The following PTPRG variants were observed in gnomAD, a reference collection of about 807,000 sequenced individuals.
PTPRG encodes the protein receptor-type tyrosine-protein phosphatase gamma.
PTPRG carries 102 observed loss-of-function variants against 165.3 expected under a neutral mutation model. That is an observed-to-expected ratio of 0.62 (90% CI 0.53 to 0.73). The LOEUF is 0.73. PTPRG is among the 30% of genes least tolerant of loss of function. The pLI is 0.00. For synonymous variants in PTPRG, 675 were observed against 669.5 expected, an observed-to-expected ratio of 1.01 and a Z score of -0.13; for missense variants, 1,866 against 1,861.4, an observed-to-expected ratio of 1.00 and a Z score of -0.05.
chr3:61,582,053 C>T (rs1197417147), intron 1 of PTPRG, among the ~76,000 whole-genome samples: 2 of 152,032 alleles, frequency 1.3e-5, no homozygotes, highest in Non-Finnish European at 2.9e-5. Flanking sequence ...TTGCAACCTC[C>T]CCCTACTGGG....
intron 2 of PTPRG, among the ~76,000 whole-genome samples, chr3:61,836,967 A>G (rs1043816458): frequency 2.0e-5 from 3 of 151,940 alleles, no homozygotes; most frequent in South Asian, 2.1e-4. Context: ...CTGGAGTGCA[A>G]TGGCACAATC....
At chr3:62,185,491 A>C (rs1478881853) in intron 8 of PTPRG, among the ~76,000 whole-genome samples, 1 of 152,142 alleles carries the variant, frequency 6.6e-6, no homozygotes, top group Non-Finnish European at 1.5e-5. Context: ...CCTGGTGTTC[A>C]TTTTAGACCA....
intron 28 of PTPRG, among the ~76,000 whole-genome samples, chr3:62,285,781 T>C (rs190853305): frequency 1.2e-3 from 177 of 152,250 alleles, no homozygotes; most frequent in Non-Finnish European, 2.0e-3. Flanking sequence ...ATGGTTCTCA[T>C]ATAGTCTTAT....
At chr3:61,612,479 C>T (rs1206039484) in intron 1 of PTPRG, among the ~76,000 whole-genome samples, 1 of 152,158 alleles carries the variant, frequency 6.6e-6, no homozygotes, top group Non-Finnish European at 1.5e-5. Flanking sequence ...CTGCATGTGG[C>T]CTGTTTCCAG....
intron 1 of PTPRG, among the ~76,000 whole-genome samples, chr3:61,736,205 G>A (rs2032716817): frequency 6.9e-6 from 1 of 145,728 alleles, no homozygotes; most frequent in Non-Finnish European, 1.5e-5. Flanking sequence ...ACCGCACCCG[G>A]CCATTTTTTT....
intron 4 of PTPRG, among the ~76,000 whole-genome samples, chr3:62,028,663 A>G (rs1220626058): frequency 6.6e-6 from 1 of 152,230 alleles, no homozygotes; most frequent in Non-Finnish European, 1.5e-5. Context: ...GTTGCACATA[A>G]CAGAAACACA....
At chr3:62,007,274 A>G (rs146680945) in intron 4 of PTPRG, among the ~76,000 whole-genome samples, 54 of 152,368 alleles carry the variant, frequency 3.5e-4, no homozygotes, top group Middle Eastern at 3.4e-3. Flanking sequence ...TCCAGAAATT[A>G]AAGCTCTCTG....
At chr3:61,620,452 G>T (rs1251841057) in intron 1 of PTPRG, among the ~76,000 whole-genome samples, 1 of 152,068 alleles carries the variant, frequency 6.6e-6, no homozygotes, top group Non-Finnish European at 1.5e-5. Context: ...TGGCCTCACA[G>T]ATTTGTAATG....
At chr3:61,792,043 A>G (rs1423545342) in intron 2 of PTPRG, among the ~76,000 whole-genome samples, 2 of 152,072 alleles carry the variant, frequency 1.3e-5, no homozygotes, top group Non-Finnish European at 2.9e-5. Context: ...CACTTGTTAG[A>G]GCTCCCCTTT....
At chr3:61,694,180 T>C (rs2106672554) in intron 1 of PTPRG, among the ~76,000 whole-genome samples, 1 of 152,158 alleles carries the variant, frequency 6.6e-6, no homozygotes, top group Admixed American at 6.5e-5. Flanking sequence ...TGCTAAGACG[T>C]GGGTGCAAAA....
chr3:62,070,127 A>G, intron 4 of PTPRG, among the ~76,000 whole-genome samples: 1 of 152,246 alleles, frequency 6.6e-6, no homozygotes, highest in East Asian at 1.9e-4. Flanking sequence ...AATTTAAATG[A>G]ATAGATCTTC....
chr3:62,268,268 A>T (rs1158738624), intron 19 of PTPRG, among the ~76,000 whole-genome samples: 2 of 152,080 alleles, frequency 1.3e-5, no homozygotes. Flanking sequence ...AAAATTGCCT[A>T]AACAGTTTAA....
At chr3:62,090,935 T>C (rs1263746073) in intron 5 of PTPRG, among the ~76,000 whole-genome samples, 2 of 152,176 alleles carry the variant, frequency 1.3e-5, no homozygotes, top group African/African-American at 4.8e-5. Context: ...GCCACTTCAA[T>C]CCCTTTGTCC....
intron 2 of PTPRG, among the ~76,000 whole-genome samples, chr3:61,760,387 A>G (rs1321052904): frequency 6.6e-6 from 1 of 152,076 alleles, no homozygotes; most frequent in Non-Finnish European, 1.5e-5. Context: ...CTGCCCTGGA[A>G]ACTCCTTCTC....
intron 2 of PTPRG, among the ~76,000 whole-genome samples, chr3:61,883,870 C>T (rs895019924): frequency 6.6e-6 from 1 of 152,080 alleles, no homozygotes; most frequent in Non-Finnish European, 1.5e-5. Context: ...TACCAGCATA[C>T]CTAGCTAATT....
At chr3:61,742,372 T>C in intron 1 of PTPRG, 2 of 1,004,866 alleles carry the variant, frequency 2.0e-6, no homozygotes, top group East Asian at 2.6e-5. Flanking sequence ...AGGACATTTT[T>C]ATAGGAAGAA....
At chr3:61,944,520 C>T (rs986762891) in intron 2 of PTPRG, among the ~76,000 whole-genome samples, 1 of 152,116 alleles carries the variant, frequency 6.6e-6, no homozygotes, top group Admixed American at 6.5e-5. Context: ...AAGTCCCTCT[C>T]AGTTTGAAGA....
rs113573192 is a variant in PTPRG at position 62,197,607 on chromosome 3, C to A, written c.1327+2437C>A. On this transcript the variant is annotated intron_variant, in intron 10 of 29. Coordinates refer to ENST00000474889, the MANE Select transcript of PTPRG (RefSeq NM_002841.4). ...CTAGGGGAGAAGGAAGGAAGGCAGA[C>A]TGGGAGCTTGCTGAGGCCGGGGCCC... Among the ~76,000 whole-genome samples, 146 of 152,284 alleles carry A rather than the reference C, an allele frequency of 9.6e-4. 4 individuals are homozygous for A. The highest frequency in any genetic ancestry group is 3.3e-3 in the African/African-American group (136 of 41,566).
intron 1 of PTPRG, among the ~76,000 whole-genome samples, chr3:61,645,598 G>A (rs979184210): frequency 2.6e-5 from 4 of 152,190 alleles, no homozygotes; most frequent in Admixed American, 6.5e-5. Flanking sequence ...TTGCCTTAAC[G>A]GGGCTAGTTC....
Sources: gnomAD v4.1 joint callset for allele counts (sites outside exome capture counted in the v4.1 genomes callset) on GRCh38, gnomAD v4.1.1 for gene constraint, MANE v1.5 for transcripts, NCBI Gene and HGNC (gene_info 2026-07-23, HGNC 2026-07-21) for gene names.